DRC11: variants seen among roughly 807,000 people sequenced by gnomAD.
The protein encoded by DRC11 is dynein regulatory complex subunit 11.
chr2:236,442,486 G>A, the DRC11 span, among the ~76,000 whole-genome samples: 3 of 152,158 alleles, frequency 2.0e-5, no homozygotes, highest in South Asian at 6.2e-4. Flanking sequence ...CTAGACAACT[G>A]GTAGCTTCCT....
At chr2:236,335,457 A>G in the DRC11 span, among the ~76,000 whole-genome samples, 329 of 152,300 alleles carry the variant, frequency 2.2e-3, 1 homozygote, top group African/African-American at 7.5e-3. This position sits in a 1 kb window ranked among gnomAD's most constrained non-coding sequence, Gnocchi z 5.6. Context: ...TGTCTGGTGC[A>G]GCTTTATCAT....
At chr2:236,346,429 A>G in the DRC11 span, among the ~76,000 whole-genome samples, 1 of 152,194 alleles carries the variant, frequency 6.6e-6, no homozygotes, top group East Asian at 1.9e-4. Flanking sequence ...TGCAGACATT[A>G]ATTGATGGCC....
the DRC11 span, chr2:236,493,645 G>T: frequency 1.3e-6 from 1 of 745,896 alleles, no homozygotes; most frequent in Non-Finnish European, 2.1e-6. Context: ...ACTGTATAAC[G>T]AGGGAGGGAT....
the DRC11 span, among the ~76,000 whole-genome samples, chr2:236,323,718 A>G: frequency 2.6e-5 from 4 of 152,194 alleles, no homozygotes; most frequent in Admixed American, 2.0e-4. The surrounding 1 kb of genome is among the most constrained non-coding windows in gnomAD (Gnocchi z 6.4). Context: ...CAGACAAGGT[A>G]TTCTTAAAAT....
chr2:236,345,078 C>T, the DRC11 span, among the ~76,000 whole-genome samples: 29 of 115,928 alleles, frequency 2.5e-4, no homozygotes, highest in Non-Finnish European at 3.1e-4. Context: ...GTGCTTCCCT[C>T]TGGGGTGTGC....
At chr2:236,357,856 A>T in the DRC11 span, among the ~76,000 whole-genome samples, 4 of 88,712 alleles carry the variant, frequency 4.5e-5, no homozygotes, top group Non-Finnish European at 9.8e-5. Context: ...ATATATAAAT[A>T]TATACTATAT....
At chr2:236,372,274 C>T in the DRC11 span, among the ~76,000 whole-genome samples, 2 of 151,988 alleles carry the variant, frequency 1.3e-5, no homozygotes, top group Non-Finnish European at 2.9e-5. This position sits in a 1 kb window ranked among gnomAD's most constrained non-coding sequence, Gnocchi z 4.5. Context: ...TCTTGATTGC[C>T]GAAAAATATC....
chr2:236,502,645 C>T, the DRC11 span, among the ~76,000 whole-genome samples: 2 of 147,866 alleles, frequency 1.4e-5, no homozygotes, highest in South Asian at 2.1e-4. Flanking sequence ...ATTCACAGCA[C>T]CAATAAAGAA....
At chr2:236,345,014 G>A in the DRC11 span, among the ~76,000 whole-genome samples, 4 of 91,046 alleles carry the variant, frequency 4.4e-5, no homozygotes, top group Non-Finnish European at 5.3e-5. Context: ...GGTGTGCAGA[G>A]CCCTGGTTGT....
the DRC11 span, chr2:236,332,743 C>G: frequency 6.6e-6 from 1 of 152,174 alleles, no homozygotes; most frequent in Non-Finnish European, 1.5e-5. The surrounding 1 kb of genome is among the most constrained non-coding windows in gnomAD (Gnocchi z 5.1). Context: ...ATGAACCAAG[C>G]TGGAGAATCT....
At chr2:236,470,585 A>G in the DRC11 span, among the ~76,000 whole-genome samples, 1 of 152,318 alleles carries the variant, frequency 6.6e-6, no homozygotes, top group East Asian at 1.9e-4. This position sits in a 1 kb window ranked among gnomAD's most constrained non-coding sequence, Gnocchi z 5.1. Flanking sequence ...GATCATGCGA[A>G]GAGGGAGGTG....
the DRC11 span, chr2:236,419,118 A>C: frequency 6.6e-7 from 1 of 1,507,580 alleles, no homozygotes; most frequent in Non-Finnish European, 8.8e-7. The surrounding 1 kb of genome is among the most constrained non-coding windows in gnomAD (Gnocchi z 4.8). Context: ...AAATGAAATC[A>C]AATTTCTAAA....
the DRC11 span, among the ~76,000 whole-genome samples, chr2:236,494,087 A>T: frequency 6.6e-6 from 1 of 152,194 alleles, no homozygotes; most frequent in Non-Finnish European, 1.5e-5. The surrounding 1 kb of genome is among the most constrained non-coding windows in gnomAD (Gnocchi z 4.2). Flanking sequence ...GAAAATCATA[A>T]CCATGCCCCT....
At chr2:236,421,245 C>A in the DRC11 span, among the ~76,000 whole-genome samples, 6 of 151,926 alleles carry the variant, frequency 3.9e-5, no homozygotes, top group Non-Finnish European at 7.4e-5. Context: ...CACAAAAAAC[C>A]CTTCAAAAAA....
At chr2:236,459,595 G>GTATATACGTATATATGTA in the DRC11 span, among the ~76,000 whole-genome samples, 8 of 108,842 alleles carry the variant, frequency 7.4e-5, no homozygotes, top group African/African-American at 2.4e-4. Flanking sequence ...ATACGTATAC[G>GTATATACGTATATATGTA]TATACATATA....
the DRC11 span, among the ~76,000 whole-genome samples, chr2:236,432,052 T>C: frequency 2.0e-5 from 3 of 152,228 alleles, no homozygotes; most frequent in Non-Finnish European, 4.4e-5. Flanking sequence ...CCACTAGCAA[T>C]GTATGTGGGT....
chr2:236,373,244 T>C, the DRC11 span, among the ~76,000 whole-genome samples: 1 of 151,966 alleles, frequency 6.6e-6, no homozygotes, highest in African/African-American at 2.4e-5. Flanking sequence ...CTATAATTCT[T>C]TAATGTATAT....
chr2:236,346,376 A>G, the DRC11 span, among the ~76,000 whole-genome samples: 1 of 152,174 alleles, frequency 6.6e-6, no homozygotes, highest in Non-Finnish European at 1.5e-5. Flanking sequence ...ATAACAATGA[A>G]CCATTGTTAT....
At chr2:236,465,515 T>A in the DRC11 span, 1 of 1,613,928 alleles carries the variant, frequency 6.2e-7, no homozygotes, top group Non-Finnish European at 8.5e-7. This position sits in a 1 kb window ranked among gnomAD's most constrained non-coding sequence, Gnocchi z 6.2. Flanking sequence ...CTGCATTCGA[T>A]GAACCAATGC....
Sources: allele counts gnomAD v4.1 joint callset (sites outside exome capture counted in the v4.1 genomes callset), GRCh38; gene constraint gnomAD v4.1.1; non-coding constraint Gnocchi (gnomAD v3.1); transcripts MANE v1.5; gene names NCBI Gene and HGNC (gene_info 2026-07-23, HGNC 2026-07-21).